The following CEP120 variants were observed in gnomAD, a reference collection of about 807,000 sequenced individuals.
CEP120 encodes the protein centrosomal protein 120.
Under a neutral mutation model 126.5 loss-of-function variants are expected in CEP120, and 113 were observed. The ratio of observed to expected loss-of-function variants is 0.89; its 90% confidence interval spans 0.77 to 1.04. CEP120 has a LOEUF of 1.04. CEP120 is among the 50% of genes least tolerant of loss of function. CEP120 has a pLI of 0.00. For synonymous variants in CEP120, 400 were observed against 394.3 expected, an observed-to-expected ratio of 1.01 and a Z score of -0.17; for missense variants, 1,230 against 1,155.7, an observed-to-expected ratio of 1.06 and a Z score of -0.93.
intron 16 of CEP120, among the ~76,000 whole-genome samples, chr5:123,374,482 T>A (rs950740859): frequency 3.3e-5 from 5 of 152,012 alleles, no homozygotes; most frequent in Non-Finnish European, 7.4e-5. Context: ...TTGAATGAGT[T>A]TTTTTTTAAA....
intron 4 of CEP120, among the ~76,000 whole-genome samples, chr5:123,400,041 C>T (rs545706533): frequency 1.4e-4 from 22 of 152,144 alleles, no homozygotes; most frequent in Non-Finnish European, 2.2e-4. Context: ...TTGGCAGGTA[C>T]ATGCTAGAAT....
At chr5:123,368,423 A>AG (rs1770623394) in intron 17 of CEP120, among the ~76,000 whole-genome samples, 1 of 151,950 alleles carries the variant, frequency 6.6e-6, no homozygotes. Flanking sequence ...ATACTTTACT[A>AG]CTTGGTTTTA....
At chr5:123,384,459 C>G (rs938725884) in intron 11 of CEP120, among the ~76,000 whole-genome samples, 1 of 151,904 alleles carries the variant, frequency 6.6e-6, no homozygotes, top group African/African-American at 2.4e-5. Context: ...CAATGAAGTT[C>G]AGGGCAAAAA....
intron 16 of CEP120, among the ~76,000 whole-genome samples, chr5:123,373,753 G>A (rs1341396853): frequency 2.0e-5 from 3 of 151,936 alleles, no homozygotes; most frequent in Admixed American, 6.6e-5. Flanking sequence ...GAAGATCCTC[G>A]GGTACCCCAA....
At chr5:123,381,354 G>A (rs2127045083) in intron 14 of CEP120, among the ~76,000 whole-genome samples, 1 of 148,184 alleles carries the variant, frequency 6.7e-6, no homozygotes, top group South Asian at 2.2e-4. Flanking sequence ...TAGAGTTGAT[G>A]AGAGGAGGGG....
rs368741651 is a variant in CEP120 at position 123,412,426 on chromosome 5, T to G, written c.436A>C (p.Lys146Gln). Residue 146 changes from lysine (K) to glutamine (Q), a missense_variant, in exon 4 of 20, where the codon AAG becomes CAG. Physicochemically the swap from Lys to Gln is moderately conservative, Grantham distance 53. Transcript: ENST00000306467. The stretch of plus-strand genomic sequence containing the variant: ...TTTCCATCTCGAGGGGGAGCCCCCT[T>G]TGCTTTAAAGCTATCCACTGGTGGC... ...TKPPVDSFKA[K>Q]GAPPRDGKVP... The G allele has an allele frequency of 1.7e-5, 28 of 1,606,660 alleles. No homozygotes were observed. The highest frequency in any genetic ancestry group is 2.4e-5 in the Non-Finnish European group (28 of 1,177,656).
chr5:123,397,546 T>C (rs1334008638), intron 5 of CEP120, among the ~76,000 whole-genome samples: 1 of 152,146 alleles, frequency 6.6e-6, no homozygotes, highest in Non-Finnish European at 1.5e-5. Context: ...CGGAAACTGA[T>C]ATAAAGGCAA....
chr5:123,393,081 G>A (rs1195459473), intron 6 of CEP120, among the ~76,000 whole-genome samples: 1 of 151,814 alleles, frequency 6.6e-6, no homozygotes, highest in East Asian at 1.9e-4. Context: ...TCAATTCCTG[G>A]GAAAAGAGGT....
chr5:123,390,274 T>A (rs939881888), intron 7 of CEP120, 134 bp from the exon 8 acceptor site: 5 of 771,588 alleles, frequency 6.5e-6, no homozygotes, highest in Non-Finnish European at 1.1e-5. Context: ...TTTTTCTTCG[T>A]AATTTGCAAA....
intron 5 of CEP120, among the ~76,000 whole-genome samples, chr5:123,397,377 T>C (rs1772857916): frequency 6.6e-6 from 1 of 152,018 alleles, no homozygotes; most frequent in African/African-American, 2.4e-5. Context: ...AACAACACAG[T>C]AAAAATACAG....
chr5:123,372,614 G>A, intron 17 of CEP120, 36 bp downstream of exon 17: 1 of 1,580,434 alleles, frequency 6.3e-7, no homozygotes, highest in Non-Finnish European at 8.7e-7. Flanking sequence ...ATTAATCACT[G>A]GGACTAGTTA....
intron 18 of CEP120, among the ~76,000 whole-genome samples, chr5:123,357,914 A>G (rs142883604): frequency 7.4e-4 from 113 of 152,316 alleles, no homozygotes; most frequent in African/African-American, 2.5e-3. Flanking sequence ...AAGAACAATT[A>G]TATGCTACTA....
intron 4 of CEP120, among the ~76,000 whole-genome samples, chr5:123,407,792 G>C (rs1220839076): frequency 6.6e-6 from 1 of 152,140 alleles, no homozygotes; most frequent in Non-Finnish European, 1.5e-5. Context: ...TACGTAGAAA[G>C]TTCACCAAGA....
intron 1 of CEP120, among the ~76,000 whole-genome samples, chr5:123,419,935 T>A (rs1388401620): frequency 6.6e-6 from 1 of 152,178 alleles, no homozygotes. Context: ...TTAAGGTGGA[T>A]CTTATTGAGG....
chr5:123,364,680 T>A, intron 17 of CEP120, 86 bp from the exon 18 acceptor site: 1 of 685,126 alleles, frequency 1.5e-6, no homozygotes, highest in Non-Finnish European at 2.3e-6. Flanking sequence ...GAGTCTGGCT[T>A]AAGAAAAGAG....
chr5:123,370,683 G>GTA lies in CEP120; in HGVS notation c.2481+1966_2481+1967insTA, dbSNP rs1283515564. On this transcript the variant is annotated intron_variant, in intron 17 of 19. Transcript: ENST00000306467. ...TATATATACATATATGTGTGTGTGT[G>GTA]TGTATATATATATACACATATATAC... Among the ~76,000 whole-genome samples the GTA allele has an allele frequency of 6.2e-5, 6 of 96,712 alleles. No homozygotes were observed. The South Asian group carries it at 1.1e-3, about 17-fold the overall frequency. The allele number at this position is 96,712 out of a possible 152,430, so 63.4% of individuals were successfully genotyped here.
At chr5:123,392,833 C>A (rs566532049) in intron 6 of CEP120, among the ~76,000 whole-genome samples, 1 of 152,120 alleles carries the variant, frequency 6.6e-6, no homozygotes, top group Non-Finnish European at 1.5e-5. Flanking sequence ...AAATGGAGTC[C>A]AATTCAAAAA....
At position 123,352,799 on chromosome 5, in the gene CEP120, T is replaced by C. The variant is rs1769284763; in HGVS notation, c.2581-2710A>G. Among the ~76,000 whole-genome samples, 4 of 152,042 alleles carry C rather than the reference T, an allele frequency of 2.6e-5. No homozygotes were observed. The South Asian group carries it at 8.3e-4, about 31-fold the overall frequency. ...TGTCTTTAAAATACTGATTTTTCAA[T>C]CAATGGAATGGTTTACCTAATTATG... On this transcript the variant is annotated intron_variant, in intron 18 of 19. Coordinates refer to ENST00000306467, the MANE Select transcript of CEP120 (RefSeq NM_001375405.1).
chr5:123,393,664 T>C (rs1772555683), intron 5 of CEP120, among the ~76,000 whole-genome samples, 167 bp from the exon 6 acceptor site: 1 of 152,168 alleles, frequency 6.6e-6, no homozygotes, highest in South Asian at 2.1e-4. Flanking sequence ...CAAATTACTA[T>C]TTTTTTAAAA....
Sources: allele counts gnomAD v4.1 joint callset (sites outside exome capture counted in the v4.1 genomes callset), GRCh38; gene constraint gnomAD v4.1.1; transcripts MANE v1.5; gene names NCBI Gene and HGNC (gene_info 2026-07-23, HGNC 2026-07-21).